EPS15L1: variants seen among roughly 807,000 people sequenced by gnomAD.
EPS15L1 encodes the protein epidermal growth factor receptor substrate 15-like 1.
A neutral mutation model predicts 117.1 loss-of-function variants in EPS15L1; 43 were observed. The ratio of observed to expected loss-of-function variants is 0.37; its 90% CI spans 0.29 to 0.47. The LOEUF is 0.47. Among genes scored for constraint, EPS15L1 ranks in the 20% least tolerant of loss-of-function variants. The pLI is 0.99. For synonymous variants in EPS15L1, 459 were observed against 470.5 expected, an observed-to-expected ratio of 0.98 and a Z score of 0.32; for missense variants, 981 against 1,164.0, an observed-to-expected ratio of 0.84 and a Z score of 2.29.
chr19:16,430,353 G>A (rs1234955251), intron 7 of EPS15L1, among the ~76,000 whole-genome samples: 2 of 152,140 alleles, frequency 1.3e-5, no homozygotes, highest in African/African-American at 2.4e-5. Flanking sequence ...AATGCACACT[G>A]GACCCTGCCC....
intron 22 of EPS15L1, among the ~76,000 whole-genome samples, chr19:16,375,261 C>T (rs986671791): frequency 2.6e-5 from 4 of 152,208 alleles, no homozygotes; most frequent in African/African-American, 9.6e-5. Flanking sequence ...TGCATGCTCA[C>T]CTGTATGCAT....
At position 16,395,331 on chromosome 19, in the gene EPS15L1, G is replaced by A; in HGVS notation, c.1915+13C>T. On this transcript the variant is annotated intron_variant, in intron 17 of 23. Transcript: ENST00000455140. ...CAGTCTTTCAATGAGAAAGTGGGTA[G>A]CAAGTGAGATACCTTTGAAGGGGTC... is the stretch of plus-strand genomic sequence containing the variant. 6.2e-7 allele frequency: 1 copy of A among 1,609,498 alleles called. No homozygotes were observed. Among genetic ancestry groups the A allele is most frequent in the East Asian group, 2.2e-5 (1 of 44,870 alleles).
rs1407024346 is a variant in EPS15L1 at position 16,408,087 on chromosome 19, G to A, written c.1267-3338C>T. Among the ~76,000 whole-genome samples the A allele has an allele frequency of 2.6e-5, 4 of 152,302 alleles. No homozygotes were observed. In the South Asian group the frequency reaches 6.2e-4, roughly 24 times the overall value. On this transcript the variant is annotated intron_variant, in intron 13 of 23. Coordinates refer to ENST00000455140, the MANE Select transcript of EPS15L1 (RefSeq NM_001258374.3). ...GGGAAGATGGGAAGAGCGTTAGGCCGGATGGGGTAGCTCTGGACACCAGGT... is the reference window on the plus strand; with the variant it reads ...GGGAAGATGGGAAGAGCGTTAGGCCAGATGGGGTAGCTCTGGACACCAGGT...
chr19:16,362,627 G>A (rs1043688518), intron 22 of EPS15L1, among the ~76,000 whole-genome samples: 2 of 146,774 alleles, frequency 1.4e-5, no homozygotes, highest in African/African-American at 2.5e-5. Flanking sequence ...GGGCTCAAGC[G>A]ATCCTCCCAC....
chr19:16,470,152 C>T (rs1052726284), intron 1 of EPS15L1, among the ~76,000 whole-genome samples: 1 of 152,008 alleles, frequency 6.6e-6, no homozygotes, highest in Non-Finnish European at 1.5e-5. Context: ...GAGGCCAAGG[C>T]GGGTGGATCA....
At chr19:16,367,851 AC>A (rs1443195997) in intron 22 of EPS15L1, among the ~76,000 whole-genome samples, 2 of 152,202 alleles carry the variant, frequency 1.3e-5, no homozygotes, top group Middle Eastern at 6.8e-3. Flanking sequence ...TGCTATAAAA[AC>A]CTTGGAAAGG....
rs1403524927 is a variant in EPS15L1, at chr19:16,400,360, A to AC, written c.1791+1960_1791+1961insG. On this transcript the variant is annotated intron_variant, in intron 16 of 23. Transcript: ENST00000455140. ...TCAAAAAAAAAAAAACAAAAACAAAAAAAAAAAAAAACCCCTGACTTTTGA... is the reference window on the plus strand; with the variant it reads ...TCAAAAAAAAAAAAACAAAAACAAAACAAAAAAAAAAACCCCTGACTTTTGA... 1.7e-4 allele frequency among the ~76,000 whole-genome samples: 26 copies of AC among 150,154 alleles called. No homozygotes were observed. In the South Asian group the frequency reaches 2.1e-3, roughly 12 times the overall value.
chr19:16,434,323 G>C, intron 7 of EPS15L1, 42 bp downstream of exon 7: 1 of 1,605,294 alleles, frequency 6.2e-7, no homozygotes, highest in Non-Finnish European at 8.5e-7. Flanking sequence ...ACACACAGCA[G>C]GGACACTGAG....
intron 16 of EPS15L1, chr19:16,402,057 A>G: frequency 8.2e-7 from 1 of 1,218,342 alleles, no homozygotes; most frequent in Non-Finnish European, 1.0e-6. Context: ...ATACTTCCGC[A>G]GAGATGGAGG....
intron 7 of EPS15L1, among the ~76,000 whole-genome samples, chr19:16,431,523 T>C (rs1438660443): frequency 6.6e-6 from 1 of 152,022 alleles, no homozygotes; most frequent in East Asian, 1.9e-4. Flanking sequence ...AGGATGGTCT[T>C]GATCTTTTGA....
chr19:16,387,773 C>CA (rs748349302), intron 19 of EPS15L1, among the ~76,000 whole-genome samples: 140 of 146,550 alleles, frequency 9.6e-4, no homozygotes, highest in South Asian at 5.4e-3. Flanking sequence ...CTCAAACAAA[C>CA]AAAAAAAAAC....
chr19:16,400,794 T>C (rs956385962), intron 16 of EPS15L1: 2 of 985,084 alleles, frequency 2.0e-6, no homozygotes, highest in African/African-American at 1.7e-5. Context: ...ACCAGAAAGG[T>C]AAAAATCTGT....
At chr19:16,360,656 A>G (rs1368090111) in intron 23 of EPS15L1, among the ~76,000 whole-genome samples, 4 of 152,166 alleles carry the variant, frequency 2.6e-5, no homozygotes, top group African/African-American at 7.2e-5. Flanking sequence ...CCAAGACAGG[A>G]GGATCGCTTG....
intron 16 of EPS15L1, among the ~76,000 whole-genome samples, chr19:16,399,878 A>C (rs1309725395): frequency 6.6e-6 from 1 of 152,062 alleles, no homozygotes; most frequent in Non-Finnish European, 1.5e-5. Flanking sequence ...CCAGCATGCC[A>C]CTGGGTCTGG....
intron 19 of EPS15L1, 83 bp from the exon 20 acceptor site, chr19:16,386,314 G>A (rs865906037): frequency 2.5e-5 from 26 of 1,057,724 alleles, no homozygotes; most frequent in Middle Eastern, 4.0e-4. Flanking sequence ...TCCTGACGTC[G>A]ATGTACAACA....
At chr19:16,470,110 A>G (rs2093335854) in intron 1 of EPS15L1, among the ~76,000 whole-genome samples, 2 of 152,298 alleles carry the variant, frequency 1.3e-5, no homozygotes, top group South Asian at 4.1e-4. Flanking sequence ...GGCCAGGCGC[A>G]GTGGCTAACG....
chr19:16,385,981 G>A (rs2290668), intron 20 of EPS15L1, among the ~76,000 whole-genome samples, 190 bp downstream of exon 20: 92,447 of 152,096 alleles, frequency 0.61, 28,885 homozygotes, highest in Middle Eastern at 0.72. Context: ...ATGCCAGCGC[G>A]TGCCCAGGAA....
intron 1 of EPS15L1, among the ~76,000 whole-genome samples, chr19:16,448,814 A>G (rs1226051977): frequency 1.3e-5 from 2 of 152,120 alleles, no homozygotes; most frequent in Non-Finnish European, 2.9e-5. Flanking sequence ...TGGGTGACAG[A>G]GCAAGACTCC....
chr19:16,451,766 T>C (rs1037798591), intron 1 of EPS15L1, among the ~76,000 whole-genome samples: 1 of 148,808 alleles, frequency 6.7e-6, no homozygotes, highest in Non-Finnish European at 1.5e-5. Context: ...CCTGACCTCG[T>C]GATCCACCCG....
Sources: allele counts gnomAD v4.1 joint callset (sites outside exome capture counted in the v4.1 genomes callset), GRCh38; gene constraint gnomAD v4.1.1; transcripts MANE v1.5; gene names NCBI Gene and HGNC (gene_info 2026-07-23, HGNC 2026-07-21).